SZRD1: variants seen among roughly 807,000 people sequenced by gnomAD.
SZRD1 encodes SUZ RNA-binding domain-containing.
In SZRD1, 7 loss-of-function variants were observed where a neutral mutation model predicts 17.6. The ratio of observed to expected loss-of-function variants is 0.40; its 90% CI spans 0.23 to 0.75. The LOEUF is 0.75. SZRD1 is among the 30% of genes least tolerant of loss of function. The pLI is 0.38. For synonymous variants in SZRD1, 77 were observed against 77.9 expected (o/e 0.99, Z 0.06); for missense variants, 178 against 201.8 (o/e 0.88, Z 0.71).
chr1:16,381,118 G>A (rs1570019164), intron 1 of SZRD1, among the ~76,000 whole-genome samples: 1 of 151,694 alleles, frequency 6.6e-6, no homozygotes. Flanking sequence ...GCCAGGTGTG[G>A]TGGCACATGC....
intron 1 of SZRD1, among the ~76,000 whole-genome samples, chr1:16,368,770 C>T (rs1359113569): frequency 1.3e-5 from 2 of 152,174 alleles, no homozygotes; most frequent in Non-Finnish European, 2.9e-5. Flanking sequence ...CTGAGTGAAT[C>T]ATCCAGACAT....
intron 1 of SZRD1, among the ~76,000 whole-genome samples, chr1:16,379,711 T>G (rs1015704454): frequency 2.6e-5 from 4 of 152,090 alleles, no homozygotes; most frequent in African/African-American, 9.7e-5. Context: ...AATTGATTCC[T>G]CTTCATTTGT....
Position 16,398,121 on chromosome 1 carries a change from T to G in SZRD1, c.*2981T>G, listed in dbSNP as rs1237262317. 7.1e-6 allele frequency: 4 copies of G among 561,034 alleles called. No individual in the cohort carries two copies. The highest frequency in any genetic ancestry group is 9.0e-6 in the Non-Finnish European group (4 of 442,160). The allele number at this position is 561,034 out of a possible 1,614,324, so 34.8% of individuals were successfully genotyped here. ...GATTAAGCATTTTATAAATTGTATT[T>G]TAAATACATGTTTTAAACTTGTCAG... On this transcript the variant is annotated 3_prime_UTR_variant, in exon 4 of 4. Transcript: ENST00000401088.
In SZRD1 at chr1:16,393,283, C is replaced by T; in HGVS notation, c.157C>T (p.Pro53Ser). The change falls in exon 3 of 4, where the codon CCC (proline) becomes TCC (serine). Residue 53 changes from proline to serine, a missense_variant. Transcript: ENST00000401088. The surrounding 1 kb of genome is among the most constrained non-coding windows in gnomAD (Gnocchi z 5.6). ...CATTGTGATTCAGGACGATAGCCTT[C>T]CCGCGGGGCCCCCTCCACAGATCCG... Reference protein sequence around the residue: ...VPIVIQDDSLPAGPPPQIRIL... With the variant: ...VPIVIQDDSLSAGPPPQIRIL... 6.2e-7 allele frequency: 1 copy of T among 1,614,168 alleles called. No individual in the cohort carries two copies. The highest frequency in any genetic ancestry group is 1.1e-5 in the South Asian group (1 of 91,088).
At chr1:16,368,902 G>T (rs1007301220) in intron 1 of SZRD1, among the ~76,000 whole-genome samples, 2 of 152,166 alleles carry the variant, frequency 1.3e-5, no homozygotes, top group Non-Finnish European at 2.9e-5. Context: ...TCATGTTAGA[G>T]AAGTTGGAGG....
chr1:16,367,488 A>G (rs2082840887), intron 1 of SZRD1, among the ~76,000 whole-genome samples, 180 bp downstream of exon 1: 1 of 150,318 alleles, frequency 6.7e-6, no homozygotes, highest in Non-Finnish European at 1.5e-5. Context: ...GCCGCGATCC[A>G]TTTCTCTCCT....
At chr1:16,387,048 C>A in intron 1 of SZRD1, 1 of 282,888 alleles carries the variant, frequency 3.5e-6, no homozygotes, top group South Asian at 3.3e-5. Context: ...CTTTGTCTGC[C>A]AAACAGGGCT....
intron 1 of SZRD1, chr1:16,367,715 T>C (rs1438260182): frequency 5.1e-6 from 1 of 196,776 alleles, no homozygotes; most frequent in African/African-American, 2.3e-5. Context: ...TGGTGGGGCT[T>C]GCGCGGACCA....
At chr1:16,384,061 T>TC (rs755302807) in intron 1 of SZRD1, among the ~76,000 whole-genome samples, 13 of 152,194 alleles carry the variant, frequency 8.5e-5, no homozygotes, top group Admixed American at 2.6e-4. Context: ...TTGGGGTGTG[T>TC]CCCTCTCTGG....
chr1:16,389,270 G>T (rs2085182813), intron 1 of SZRD1, among the ~76,000 whole-genome samples: 1 of 136,282 alleles, frequency 7.3e-6, no homozygotes, highest in South Asian at 2.3e-4. Flanking sequence ...TTTTTTTGAG[G>T]GGGGGTGGGG....
chr1:16,372,824 T>G (rs2082936777), intron 1 of SZRD1, among the ~76,000 whole-genome samples: 1 of 152,158 alleles, frequency 6.6e-6, no homozygotes, highest in Non-Finnish European at 1.5e-5. Flanking sequence ...AAATAACTAT[T>G]GCATACCAGG....
chr1:16,387,596 C>T (rs767964304), intron 1 of SZRD1: 103 of 456,568 alleles, frequency 2.3e-4, no homozygotes, highest in Admixed American at 2.1e-3. Context: ...AGGTATGCTC[C>T]GTGCGAGTGG....
At chr1:16,370,993 G>C (rs2082904678) in intron 1 of SZRD1, among the ~76,000 whole-genome samples, 1 of 152,182 alleles carries the variant, frequency 6.6e-6, no homozygotes, top group African/African-American at 2.4e-5. Flanking sequence ...ATAGGCAATT[G>C]CGTAAAAGTC....
At chr1:16,394,170 A>T (rs936437381) in intron 3 of SZRD1, among the ~76,000 whole-genome samples, 1 of 152,218 alleles carries the variant, frequency 6.6e-6, no homozygotes, top group African/African-American at 2.4e-5. Context: ...GGACTTGAAG[A>T]AAAAATCTGC....
At chr1:16,369,079 T>C (rs1322108667) in intron 1 of SZRD1, 2 of 316,876 alleles carry the variant, frequency 6.3e-6, no homozygotes, top group African/African-American at 4.4e-5. Context: ...TTGTCGCGTG[T>C]TCTTTCTTTT....
chr1:16,369,249 AT>A (rs1361016112), intron 1 of SZRD1: 4 of 571,338 alleles, frequency 7.0e-6, no homozygotes, highest in Non-Finnish European at 1.3e-5. Flanking sequence ...AATCACGTAA[AT>A]TATTCTTCAT....
At chr1:16,388,127 A>T (rs2085157200) in intron 1 of SZRD1, among the ~76,000 whole-genome samples, 1 of 152,136 alleles carries the variant, frequency 6.6e-6, no homozygotes, top group Non-Finnish European at 1.5e-5. Flanking sequence ...ATATATATAT[A>T]TTTTGAGACA....
intron 1 of SZRD1, among the ~76,000 whole-genome samples, chr1:16,378,285 CTTTTTTT>C (rs36025947): frequency 3.9e-5 from 5 of 127,486 alleles, no homozygotes; most frequent in African/African-American, 5.8e-5. Context: ...TTGGCAACTT[CTTTTTTT>C]TTTTTTTTTT....
chr1:16,385,518 T>C (rs999496825), intron 1 of SZRD1, among the ~76,000 whole-genome samples: 2 of 152,182 alleles, frequency 1.3e-5, no homozygotes, highest in Non-Finnish European at 2.9e-5. Context: ...TTTCTTCCTC[T>C]CCTCTGCCTT....
Sources: allele counts gnomAD v4.1 joint callset (sites outside exome capture counted in the v4.1 genomes callset), GRCh38; gene constraint gnomAD v4.1.1; non-coding constraint Gnocchi (gnomAD v3.1); transcripts MANE v1.5; gene names NCBI Gene and HGNC (gene_info 2026-07-23, HGNC 2026-07-21).